ZSCAN5B: variants seen among roughly 807,000 people sequenced by gnomAD.
The protein encoded by ZSCAN5B is zinc finger and SCAN domain-containing protein 5B.
Under a neutral mutation model 25.2 loss-of-function variants are expected in ZSCAN5B, and 26 were observed. The observed-to-expected ratio is 1.03, with a 90% CI of 0.76 to 1.43. The LOEUF (loss-of-function observed/expected upper bound fraction) is 1.43. ZSCAN5B is among the 40% of genes most tolerant of loss of function. ZSCAN5B has a pLI of 0.00. For synonymous variants in ZSCAN5B, 244 were observed against 240.9 expected (o/e 1.01, Z -0.12); for missense variants, 745 against 622.1 (o/e 1.20, Z -2.10).
intron 3 of ZSCAN5B, among the ~76,000 whole-genome samples, chr19:56,191,289 T>C (rs2032729547): frequency 6.6e-6 from 1 of 152,122 alleles, no homozygotes; most frequent in African/African-American, 2.4e-5. Context: ...CCCTAACCCC[T>C]GGCACCATTG....
At chr19:56,195,086 G>A (rs1435794547) in intron 1 of ZSCAN5B, among the ~76,000 whole-genome samples, 1 of 152,182 alleles carries the variant, frequency 6.6e-6, no homozygotes, top group Admixed American at 6.5e-5. Context: ...AAAACTGGCA[G>A]GAGGGTCTCA....
exon 2 of ZSCAN5B, chr19:56,192,696 T>C (rs2032753531): frequency 6.3e-7 from 1 of 1,591,374 alleles, no homozygotes; most frequent in East Asian, 2.2e-5. Flanking sequence ...TGTTATTTCG[T>C]AGCAGGTCCT....
At chr19:56,197,859 C>G (rs532534928) in exon 1 of ZSCAN5B, 1 of 985,186 alleles carries the variant, frequency 1.0e-6, no homozygotes, top group South Asian at 4.7e-5. Context: ...CCCTGCGCCG[C>G]GCCGTGATTG....
chr19:56,192,980 A>G (rs1397344594), exon 2 of ZSCAN5B: 1 of 1,608,452 alleles, frequency 6.2e-7, no homozygotes, highest in African/African-American at 1.3e-5. Flanking sequence ...GACGCCACAG[A>G]CCGTGGAGTG....
At chr19:56,191,934 A>G (rs749342446) in exon 3 of ZSCAN5B, 2 of 1,614,040 alleles carry the variant, frequency 1.2e-6, no homozygotes, top group South Asian at 1.1e-5. Flanking sequence ...TCTGGTTCAC[A>G]GAGGAGGCCC....
chr19:56,193,175 G>C, exon 2 of ZSCAN5B: 2 of 1,200,154 alleles, frequency 1.7e-6, no homozygotes. Flanking sequence ...AGTTTGTTCA[G>C]AAGTCTGCAG....
exon 5 of ZSCAN5B, chr19:56,190,484 C>T: frequency 2.5e-6 from 4 of 1,614,036 alleles, no homozygotes; most frequent in Non-Finnish European, 3.4e-6. Context: ...AAGCTTCTCT[C>T]TCCACAACGC....
At chr19:56,190,255 G>A (rs1373157387) in exon 5 of ZSCAN5B, 3 of 1,614,202 alleles carry the variant, frequency 1.9e-6, no homozygotes, top group Non-Finnish European at 2.5e-6. Context: ...CATGCAAAGG[G>A]CGGCAGGGCC....
chr19:56,196,174 C>A (rs1243318881), intron 1 of ZSCAN5B, among the ~76,000 whole-genome samples: 1 of 152,152 alleles, frequency 6.6e-6, no homozygotes, highest in Non-Finnish European at 1.5e-5. Flanking sequence ...GCCTCAGCCT[C>A]CCGAGTAGCT....
At chr19:56,190,277 G>T in exon 5 of ZSCAN5B, 2 of 1,614,190 alleles carry the variant, frequency 1.2e-6, no homozygotes, top group South Asian at 2.2e-5. Flanking sequence ...TGGCTTCTTG[G>T]CCATCTGGGT....
chr19:56,196,144 C>T (rs1322700646), intron 1 of ZSCAN5B, among the ~76,000 whole-genome samples: 3 of 152,168 alleles, frequency 2.0e-5, no homozygotes, highest in Non-Finnish European at 4.4e-5. Flanking sequence ...CTCTGCCTCC[C>T]GGGTTCAAGC....
chr19:56,191,336 C>A (rs899378712), intron 3 of ZSCAN5B, among the ~76,000 whole-genome samples: 1 of 152,174 alleles, frequency 6.6e-6, no homozygotes, highest in African/African-American at 2.4e-5. Flanking sequence ...AGGGGGCGCT[C>A]CTGTGCAGAG....
chr19:56,192,519 A>T (rs2032750913), intron 2 of ZSCAN5B, 150 bp downstream of exon 2: 8 of 1,366,408 alleles, frequency 5.9e-6, no homozygotes, highest in Non-Finnish European at 7.9e-6. Context: ...TTGGCCTCAC[A>T]CAGTGTGTGG....
intron 1 of ZSCAN5B, among the ~76,000 whole-genome samples, chr19:56,194,704 G>A (rs1247927135): frequency 6.6e-6 from 1 of 152,110 alleles, no homozygotes; most frequent in Admixed American, 6.5e-5. Context: ...TGCAACCTCT[G>A]CTGCCCAGGT....
At chr19:56,195,171 G>A (rs997268347) in intron 1 of ZSCAN5B, among the ~76,000 whole-genome samples, 27 of 152,174 alleles carry the variant, frequency 1.8e-4, no homozygotes, top group African/African-American at 6.0e-4. Flanking sequence ...GCAGAACAGA[G>A]AGACAGCCAG....
chr19:56,189,792 C>G, exon 5 of ZSCAN5B: 1 of 1,576,678 alleles, frequency 6.3e-7, no homozygotes, highest in Non-Finnish European at 8.6e-7. Flanking sequence ...CATTCACTGT[C>G]TCTTGGGGTG....
At chr19:56,191,200 T>A (rs1014157337) in intron 3 of ZSCAN5B, among the ~76,000 whole-genome samples, 2 of 152,104 alleles carry the variant, frequency 1.3e-5, no homozygotes, top group Non-Finnish European at 1.5e-5. Flanking sequence ...ACTGTTTGGT[T>A]CTCTGAGAAT....
chr19:56,195,500 C>T (rs3103608), intron 1 of ZSCAN5B, among the ~76,000 whole-genome samples: 2,635 of 150,974 alleles, frequency 0.017, 68 homozygotes, highest in African/African-American at 0.06. Flanking sequence ...GGTGAGGATT[C>T]GGGGGAAAGG....
At chr19:56,190,883 C>A in exon 4 of ZSCAN5B, 1 of 1,614,138 alleles carries the variant, frequency 6.2e-7, no homozygotes, top group Non-Finnish European at 8.5e-7. Flanking sequence ...GTCCTGGGTT[C>A]TCTTCCCTGT....
Sources: allele counts gnomAD v4.1 joint callset (sites outside exome capture counted in the v4.1 genomes callset), GRCh38; gene constraint gnomAD v4.1.1; transcripts MANE v1.5; gene names NCBI Gene and HGNC (gene_info 2026-07-23, HGNC 2026-07-21).